The following OTUD3 variants were observed in gnomAD, a reference collection of about 807,000 sequenced individuals.
OTUD3 encodes the protein OTU deubiquitinase 3.
OTUD3 carries 24 observed loss-of-function variants against 46.2 expected under a neutral mutation model. The ratio of observed to expected loss-of-function variants is 0.52; its 90% CI spans 0.38 to 0.73. The LOEUF (loss-of-function observed/expected upper bound fraction) is 0.73, where lower values mean the gene tolerates loss of function less well. Among genes scored for constraint, OTUD3 ranks in the 30% least tolerant of loss-of-function variants. OTUD3 has a pLI of 0.00. For missense variants in OTUD3, 455 were observed against 523.3 expected (o/e 0.87, Z 1.27); for synonymous variants, 189 against 195.4 (o/e 0.97, Z 0.27).
At chr1:19,883,681 G>C (rs372373018) in intron 1 of OTUD3, among the ~76,000 whole-genome samples, 1 of 66,554 alleles carries the variant, frequency 1.5e-5, no homozygotes, top group Non-Finnish European at 4.1e-5. Flanking sequence ...TGATTTTGCT[G>C]TGTTGCCCAG....
At position 19,906,442 on chromosome 1, in the gene OTUD3, G is replaced by T; in HGVS notation, c.846G>T (p.Glu282Asp). ...MNQGKRNNAE[E>D]NLEPSGRVLK... Reference sequence around the variant, plus strand: ...GTCTTTCTTTGGAAGATGCAGAAGAGAATCTTGAGCCCAGTGGTCGAGTGC... The same window carrying T: ...GTCTTTCTTTGGAAGATGCAGAAGATAATCTTGAGCCCAGTGGTCGAGTGC... The change falls in exon 7 of 8, where the codon GAG becomes GAT. Residue 282 changes from glutamate (E) to aspartate (D), a missense_variant. Coordinates refer to ENST00000375120, the MANE Select transcript of OTUD3 (RefSeq NM_015207.2). 2 of 1,613,804 alleles carry T rather than the reference G, an allele frequency of 1.2e-6. No homozygotes were observed. Among genetic ancestry groups the T allele is most frequent in the South Asian group, 2.2e-5 (2 of 91,048 alleles).
rs1308790153 is a variant in OTUD3 at position 19,908,681 on chromosome 1, A to T, written c.*935A>T. 6.6e-6 allele frequency: 1 copy of T among 152,392 alleles called. No individual in the cohort carries two copies. The highest frequency in any genetic ancestry group is 1.5e-5 in the Non-Finnish European group (1 of 68,042). The allele number at this position is 152,392 out of a possible 1,614,324, so 9.4% of individuals were successfully genotyped here. A position where few individuals can be genotyped will look rare whatever the true frequency, so the allele number is the denominator to read the frequency against. On this transcript the variant is annotated 3_prime_UTR_variant, in exon 8 of 8. Transcript: ENST00000375120. ...ATAAGGTTTTTCATGTTCGCATTTT[A>T]AATAACGATTTTCTTCCCTTCTGTT...
In OTUD3 at chr1:19,908,192, CAG is replaced by C. The variant is rs2045689231; in HGVS notation, c.*448_*449del. 1 of 154,304 alleles carries C rather than the reference CAG, an allele frequency of 6.5e-6. No homozygotes were observed. Among genetic ancestry groups the C allele is most frequent in the Non-Finnish European group, 1.4e-5 (1 of 69,292 alleles). 9.6% of individuals were successfully genotyped at this position (154,304 alleles called of 1,614,324 possible). On this transcript the variant is annotated 3_prime_UTR_variant, in exon 8 of 8. Coordinates refer to ENST00000375120, the MANE Select transcript of OTUD3 (RefSeq NM_015207.2). Reference sequence around the variant, plus strand: ...CCTTAGTTTCTCTTTCATTCTCAAACAGATATATAGGGTAGCTTATAAATGAT... The same window carrying C: ...CCTTAGTTTCTCTTTCATTCTCAAACATATATAGGGTAGCTTATAAATGAT...
At chr1:19,894,151 A>G (rs1224857027) in intron 2 of OTUD3, among the ~76,000 whole-genome samples, 3 of 152,234 alleles carry the variant, frequency 2.0e-5, no homozygotes, top group African/African-American at 7.2e-5. Flanking sequence ...TGCAGAAGAA[A>G]TAAATGGATC....
intron 6 of OTUD3, among the ~76,000 whole-genome samples, chr1:19,906,148 C>T (rs1053394532): frequency 1.3e-5 from 2 of 152,176 alleles, no homozygotes; most frequent in South Asian, 2.1e-4. Flanking sequence ...GAAAGATTTT[C>T]CCATAAAAAT....
At chr1:19,898,728 CA>C (rs754569616) in intron 4 of OTUD3, among the ~76,000 whole-genome samples, 2,815 of 113,860 alleles carry the variant, frequency 0.025, 68 homozygotes, top group African/African-American at 0.075. Flanking sequence ...AACTCCATCT[CA>C]AAAAAAAAAA....
chr1:19,889,457 C>T (rs1056849336), intron 1 of OTUD3, among the ~76,000 whole-genome samples: 4 of 152,074 alleles, frequency 2.6e-5, no homozygotes, highest in South Asian at 2.1e-4. Flanking sequence ...TTTGGAATTA[C>T]AGTATCATAG....
chr1:19,907,022 G>A, intron 7 of OTUD3: 1 of 169,554 alleles, frequency 5.9e-6, no homozygotes, highest in South Asian at 1.6e-4. Flanking sequence ...CAGGTTAAAG[G>A]TCATGGATAC....
At chr1:19,902,778 A>G (rs538967293) in intron 4 of OTUD3, among the ~76,000 whole-genome samples, 67 of 152,270 alleles carry the variant, frequency 4.4e-4, no homozygotes, top group Admixed American at 2.2e-3. Context: ...TATATCATCT[A>G]CAAAGACAGA....
At position 19,912,734 on chromosome 1, in the gene OTUD3, T is replaced by A. The variant is rs757250342; in HGVS notation, c.*4988T>A. 5 of 152,382 alleles carry A rather than the reference T, an allele frequency of 3.3e-5. No individual in the cohort carries two copies. Among genetic ancestry groups the A allele is most frequent in the Non-Finnish European group, 7.3e-5 (5 of 68,050 alleles). 9.4% of individuals were successfully genotyped at this position (152,382 alleles called of 1,614,324 possible). On this transcript the variant is annotated 3_prime_UTR_variant, in exon 8 of 8. Coordinates refer to ENST00000375120, the MANE Select transcript of OTUD3 (RefSeq NM_015207.2). ...TGTCCATAGTTCCTTCCCCCTAGAT[T>A]GTTTCTTTCCACGGATTGTGTTCAT...
chr1:19,900,089 C>T (rs963223310), intron 4 of OTUD3, among the ~76,000 whole-genome samples: 2 of 152,062 alleles, frequency 1.3e-5, no homozygotes, highest in Admixed American at 6.5e-5. Context: ...AAATTTGTTA[C>T]GATTTTCTTA....
chr1:19,890,001 AT>A (rs1405963680), intron 1 of OTUD3, among the ~76,000 whole-genome samples: 1 of 152,202 alleles, frequency 6.6e-6, no homozygotes, highest in East Asian at 1.9e-4. Flanking sequence ...ATAGGACATG[AT>A]TTTGGAAGAG....
At chr1:19,883,575 T>C (rs1174056561) in intron 1 of OTUD3, among the ~76,000 whole-genome samples, 1 of 152,156 alleles carries the variant, frequency 6.6e-6, no homozygotes, top group Non-Finnish European at 1.5e-5. Flanking sequence ...CTCCCCGTAT[T>C]TGAGTGCTCA....
chr1:19,892,894 A>C (rs2045467329), intron 2 of OTUD3, among the ~76,000 whole-genome samples: 1 of 151,976 alleles, frequency 6.6e-6, no homozygotes, highest in Non-Finnish European at 1.5e-5. Context: ...GTTCTTCATG[A>C]TCTGGGATTT....
intron 1 of OTUD3, among the ~76,000 whole-genome samples, chr1:19,889,266 C>G (rs1397372348): frequency 6.6e-6 from 1 of 150,826 alleles, no homozygotes; most frequent in East Asian, 1.9e-4. Flanking sequence ...TTTATAGAAG[C>G]TGTCTTAATT....
intron 1 of OTUD3, among the ~76,000 whole-genome samples, chr1:19,883,509 A>C (rs1184697740): frequency 6.6e-6 from 1 of 152,220 alleles, no homozygotes; most frequent in Non-Finnish European, 1.5e-5. Flanking sequence ...TCTGGTTGTC[A>C]GCTGTGTCAC....
At chr1:19,884,999 A>G (rs1170468652) in intron 1 of OTUD3, among the ~76,000 whole-genome samples, 1 of 152,224 alleles carries the variant, frequency 6.6e-6, no homozygotes, top group Non-Finnish European at 1.5e-5. Context: ...GATGCCTCTC[A>G]GAGGGTGTCA....
At chr1:19,890,102 T>C (rs1005482262) in intron 1 of OTUD3, among the ~76,000 whole-genome samples, 2 of 152,172 alleles carry the variant, frequency 1.3e-5, no homozygotes, top group African/African-American at 4.8e-5. Context: ...GCTCCACTTG[T>C]TGAAGCAGCT....
chr1:19,897,424 A>C (rs2045530974), intron 3 of OTUD3, 116 bp from the exon 4 acceptor site: 1 of 988,206 alleles, frequency 1.0e-6, no homozygotes, highest in Non-Finnish European at 1.5e-6. Context: ...TGTGTTCCCA[A>C]TTAGTGTCTC....
Sources: allele counts gnomAD v4.1 joint callset (sites outside exome capture counted in the v4.1 genomes callset), GRCh38; gene constraint gnomAD v4.1.1; transcripts MANE v1.5; gene names NCBI Gene and HGNC (gene_info 2026-07-23, HGNC 2026-07-21).